The following FOCAD variants were observed in gnomAD, a reference collection of about 807,000 sequenced individuals.
FOCAD encodes focadhesin, also known as KIAA1797.
Under a neutral mutation model 225.6 loss-of-function variants are expected in FOCAD, and 198 were observed. The ratio of observed to expected loss-of-function variants is 0.88; its 90% confidence interval spans 0.78 to 0.99. FOCAD has a LOEUF of 0.99. FOCAD is among the 50% of genes least tolerant of loss of function. The pLI is 0.00. For missense variants in FOCAD, 2,713 were observed against 2,123.6 expected (o/e 1.28, Z -5.46); for synonymous variants, 897 against 755.0 (o/e 1.19, Z -3.08).
intron 21 of FOCAD, among the ~76,000 whole-genome samples, chr9:20,893,303 A>G (rs924046056): frequency 1.3e-5 from 2 of 151,226 alleles, no homozygotes; most frequent in African/African-American, 2.4e-5. Context: ...CCACTGGGAA[A>G]CAAAAAAAAC....
At chr9:20,898,026 A>C (rs180827003) in intron 21 of FOCAD, among the ~76,000 whole-genome samples, 5 of 151,884 alleles carry the variant, frequency 3.3e-5, no homozygotes, top group Admixed American at 2.6e-4. Flanking sequence ...TCTAGGTTGT[A>C]ATTTTCCTCT....
chr9:20,840,953 C>T (rs1826461542), intron 15 of FOCAD, among the ~76,000 whole-genome samples: 1 of 151,748 alleles, frequency 6.6e-6, no homozygotes, highest in African/African-American at 2.4e-5. Context: ...TTGAATTGTA[C>T]TGAATACTTT....
chr9:20,682,576 A>C (rs1002936920), upstream of FOCAD, among the ~76,000 whole-genome samples: 5 of 152,358 alleles, frequency 3.3e-5, no homozygotes, highest in Admixed American at 3.3e-4. Context: ...GTTTAATTAT[A>C]ATTTTGACTA....
At chr9:20,947,060 T>TTC (rs966336492) in intron 30 of FOCAD, among the ~76,000 whole-genome samples, 6 of 150,944 alleles carry the variant, frequency 4.0e-5, no homozygotes, top group African/African-American at 7.3e-5. Context: ...TGATATGCTT[T>TTC]TCTCTCTCTC....
intron 15 of FOCAD, among the ~76,000 whole-genome samples, chr9:20,859,579 T>C (rs1828566435): frequency 6.7e-6 from 1 of 150,348 alleles, no homozygotes; most frequent in African/African-American, 2.4e-5. Flanking sequence ...ATTTTGGAAA[T>C]TCTTAGCCAT....
At chr9:20,970,894 C>T (rs1438653751) in intron 35 of FOCAD, among the ~76,000 whole-genome samples, 3 of 152,076 alleles carry the variant, frequency 2.0e-5, no homozygotes, top group Non-Finnish European at 2.9e-5. Context: ...ATTAATGTCA[C>T]ATTAAACATT....
At chr9:20,949,705 G>A in intron 33 of FOCAD, 30 bp downstream of exon 33, 2 of 1,518,838 alleles carry the variant, frequency 1.3e-6, no homozygotes, top group Non-Finnish European at 9.1e-7. Context: ...ATCCTTGGGT[G>A]GAAAACATAT....
At chr9:20,728,946 G>A (rs897026246) in intron 4 of FOCAD, among the ~76,000 whole-genome samples, 1 of 152,134 alleles carries the variant, frequency 6.6e-6, no homozygotes, top group African/African-American at 2.4e-5. Flanking sequence ...TCTTCCTGCA[G>A]ACTTTCTCTG....
intron 8 of FOCAD, among the ~76,000 whole-genome samples, chr9:20,774,896 TC>T: frequency 6.6e-6 from 1 of 152,164 alleles, no homozygotes; most frequent in Non-Finnish European, 1.5e-5. Flanking sequence ...AAGTTTTCTG[TC>T]CCCCATCCCC....
At chr9:20,902,663 A>G (rs1832652959) in intron 21 of FOCAD, among the ~76,000 whole-genome samples, 1 of 151,952 alleles carries the variant, frequency 6.6e-6, no homozygotes, top group East Asian at 1.9e-4. Flanking sequence ...GATCATAGTA[A>G]TCTAGGCAGG....
chr9:20,906,444 C>A (rs904153192), intron 21 of FOCAD, among the ~76,000 whole-genome samples: 2 of 151,736 alleles, frequency 1.3e-5, no homozygotes, highest in African/African-American at 4.8e-5. Flanking sequence ...ATTGATCTTT[C>A]TTTAACAGAA....
chr9:20,680,054 A>C (rs1822354040), upstream of FOCAD, among the ~76,000 whole-genome samples: 1 of 152,230 alleles, frequency 6.6e-6, no homozygotes, highest in Non-Finnish European at 1.5e-5. Context: ...ATCTTTCCTA[A>C]GTTATAGCTC....
At chr9:20,805,056 A>C (rs924656557) in intron 11 of FOCAD, among the ~76,000 whole-genome samples, 12 of 152,192 alleles carry the variant, frequency 7.9e-5, no homozygotes, top group African/African-American at 2.9e-4. Context: ...TTCCGCAGGG[A>C]AATTCACGAT....
intron 4 of FOCAD, among the ~76,000 whole-genome samples, chr9:20,722,809 T>C (rs1456701017): frequency 6.6e-6 from 1 of 152,228 alleles, no homozygotes; most frequent in Non-Finnish European, 1.5e-5. Context: ...TTACCTTACC[T>C]TTTTTATTTG....
intron 11 of FOCAD, among the ~76,000 whole-genome samples, chr9:20,801,677 C>T (rs1441667706): frequency 1.3e-5 from 2 of 152,114 alleles, no homozygotes; most frequent in East Asian, 1.9e-4. Context: ...TCTGGATGTG[C>T]TGTATTAGTT....
intron 15 of FOCAD, among the ~76,000 whole-genome samples, chr9:20,845,033 C>G (rs963622753): frequency 1.3e-5 from 2 of 151,970 alleles, no homozygotes; most frequent in Non-Finnish European, 2.9e-5. Context: ...AATCTCTAGT[C>G]CTAGTCCTTA....
chr9:20,969,876 C>T (rs905020437), intron 35 of FOCAD, among the ~76,000 whole-genome samples: 1 of 151,788 alleles, frequency 6.6e-6, no homozygotes, highest in African/African-American at 2.4e-5. Flanking sequence ...TAACATTTCT[C>T]GTAGGGCATG....
At chr9:20,910,050 C>T (rs893288027) in intron 22 of FOCAD, among the ~76,000 whole-genome samples, 1 of 152,112 alleles carries the variant, frequency 6.6e-6, no homozygotes, top group Non-Finnish European at 1.5e-5. Context: ...CTGAACACTA[C>T]TTGTAGCTTC....
intron 11 of FOCAD, among the ~76,000 whole-genome samples, chr9:20,793,211 TG>T (rs1202059551): frequency 1.3e-5 from 2 of 152,160 alleles, no homozygotes; most frequent in Non-Finnish European, 2.9e-5. Flanking sequence ...GGATAAAAAT[TG>T]GGATGAGCCT....
Sources: gnomAD v4.1 joint callset for allele counts (sites outside exome capture counted in the v4.1 genomes callset) on GRCh38, gnomAD v4.1.1 for gene constraint, MANE v1.5 for transcripts, NCBI Gene and HGNC (gene_info 2026-07-23, HGNC 2026-07-21) for gene names.